Variants in VWA2 observed in about 807,000 individuals in gnomAD.
VWA2 encodes von Willebrand factor A domain containing 2.
In VWA2, 73 loss-of-function variants were observed where a neutral mutation model predicts 70.4. The observed-to-expected ratio is 1.04, with a 90% confidence interval of 0.86 to 1.26. The LOEUF is 1.26. Ranked by LOEUF, VWA2 falls within the 50% of genes most tolerant of loss-of-function variation. The pLI, the probability that VWA2 is intolerant of heterozygous loss-of-function variation, is 0.00. For synonymous variants in VWA2, 407 were observed against 423.3 expected (o/e 0.96, Z 0.47); for missense variants, 1,011 against 998.5 (o/e 1.01, Z -0.17).
At chr10:114,279,187 C>G (rs2037934633) in intron 8 of VWA2, among the ~76,000 whole-genome samples, 1 of 152,186 alleles carries the variant, frequency 6.6e-6, no homozygotes. Flanking sequence ...CTCTGAGCAC[C>G]AGTTTCCACA....
chr10:114,253,656 C>A lies in VWA2; in HGVS notation c.58C>A (p.Pro20Thr). Residue 20 changes from proline to threonine, a missense_variant, in exon 3 of 14, where the codon CCA (proline) becomes ACA (threonine). Transcript: ENST00000392982. ...VCVFLFSRVP[P>T]SLPLQEVHVS... Reference sequence around the variant, plus strand: ...TCTGGTGTTTTCTCTCCTAGTGCCCCCATCTCTCCCTCTCCAGGAAGTCCA... The same window carrying A: ...TCTGGTGTTTTCTCTCCTAGTGCCCACATCTCTCCCTCTCCAGGAAGTCCA... The A allele has an allele frequency of 1.2e-6, 2 of 1,612,010 alleles. No individual in the cohort carries two copies. The highest frequency in any genetic ancestry group is 1.7e-6 in the Non-Finnish European group (2 of 1,179,670).
chr10:114,241,555 A>T (rs1005639240), intron 1 of VWA2, among the ~76,000 whole-genome samples: 8 of 152,120 alleles, frequency 5.3e-5, no homozygotes, highest in African/African-American at 1.7e-4. Flanking sequence ...CAGAATAGTT[A>T]TTTGGCAGTG....
intron 5 of VWA2, among the ~76,000 whole-genome samples, chr10:114,262,247 TATG>T (rs2037459742): frequency 6.6e-6 from 1 of 151,604 alleles, no homozygotes; most frequent in African/African-American, 2.4e-5. Context: ...TACATCTGAA[TATG>T]ATATGTGTGT....
At chr10:114,286,806 A>C (rs916246445) in intron 11 of VWA2, among the ~76,000 whole-genome samples, 1 of 152,176 alleles carries the variant, frequency 6.6e-6, no homozygotes, top group African/African-American at 2.4e-5. Flanking sequence ...ATCATTCTTA[A>C]TCACGATTTT....
chr10:114,291,146 C>T, intron 13 of VWA2, 72 bp from the exon 14 acceptor site: 1 of 1,535,602 alleles, frequency 6.5e-7, no homozygotes, highest in Non-Finnish European at 8.8e-7. Context: ...CTGAAGGGGT[C>T]CTCAGAGGCT....
chr10:114,280,162 G>A (rs1275081263), intron 8 of VWA2, among the ~76,000 whole-genome samples: 1 of 152,172 alleles, frequency 6.6e-6, no homozygotes, highest in Non-Finnish European at 1.5e-5. Flanking sequence ...TTAATAGGTA[G>A]ATGTGTTAAT....
intron 1 of VWA2, among the ~76,000 whole-genome samples, chr10:114,248,295 T>A (rs1182236738): frequency 6.6e-6 from 1 of 152,148 alleles, no homozygotes; most frequent in Non-Finnish European, 1.5e-5. Flanking sequence ...TTCAGCCTGT[T>A]GAATTCTAAC....
intron 9 of VWA2, among the ~76,000 whole-genome samples, chr10:114,283,457 G>A (rs1473498359): frequency 2.6e-5 from 4 of 152,204 alleles, no homozygotes; most frequent in African/African-American, 9.7e-5. Context: ...ATGTTCACAA[G>A]GTTTACAGTT....
At position 114,294,443 on chromosome 10, in the gene VWA2, C is replaced by T. The variant is rs371083117; in HGVS notation, c.*3206C>T. ...TGTCTATTTGTCTCTTTAATGAACC[C>T]GATTTTGATTTTGTCATTTTTAAAA... On this transcript the variant is annotated 3_prime_UTR_variant, in exon 14 of 14. Transcript: ENST00000392982. Among the ~76,000 whole-genome samples the T allele has an allele frequency of 5.1e-4, 78 of 152,158 alleles. No individual in the cohort carries two copies. Among genetic ancestry groups the T allele is most frequent in the African/African-American group, 1.5e-3 (62 of 41,526 alleles).
In VWA2 at chr10:114,291,902, T is replaced by C. The variant is rs1043840442; in HGVS notation, c.*665T>C. On this transcript the variant is annotated 3_prime_UTR_variant, in exon 14 of 14. Transcript: ENST00000392982. Reference sequence around the variant, plus strand: ...GTTTGATGATGGGGGAGGGGCTGAGTGTGCAATGGGCCCAGGTCTGGAGGG... The same window carrying C: ...GTTTGATGATGGGGGAGGGGCTGAGCGTGCAATGGGCCCAGGTCTGGAGGG... Among the ~76,000 whole-genome samples the C allele has an allele frequency of 3.3e-5, 5 of 151,994 alleles. No individual in the cohort carries two copies. The highest frequency in any genetic ancestry group is 7.4e-5 in the Non-Finnish European group (5 of 68,006).
intron 5 of VWA2, among the ~76,000 whole-genome samples, chr10:114,267,321 T>G (rs2037592533): frequency 6.6e-6 from 1 of 152,106 alleles, no homozygotes; most frequent in Admixed American, 6.5e-5. Context: ...TTCACCATCT[T>G]GGCCAGGCTG....
In VWA2 at chr10:114,291,341, C is replaced by G; in HGVS notation, c.*104C>G. ...TGCCTACCTTCTGGAATGTCTGTGC[C>G]CCAGGTCCTTAGAATGTCTGCTTCC... On this transcript the variant is annotated 3_prime_UTR_variant, in exon 14 of 14. Coordinates refer to ENST00000392982, the MANE Select transcript of VWA2 (RefSeq NM_001272046.2). 1 of 1,353,932 alleles carries G rather than the reference C, an allele frequency of 7.4e-7. No individual in the cohort carries two copies. Among genetic ancestry groups the G allele is most frequent in the Non-Finnish European group, 9.9e-7 (1 of 1,012,322 alleles). The allele number at this position is 1,353,932 out of a possible 1,614,324, so 83.9% of individuals were successfully genotyped here.
chr10:114,248,790 G>A, intron 2 of VWA2, 25 bp downstream of exon 2: 1 of 1,609,164 alleles, frequency 6.2e-7, no homozygotes, highest in Non-Finnish European at 8.5e-7. Context: ...TTGGTGGTGG[G>A]GAAGTACTGG....
intron 6 of VWA2, 117 bp downstream of exon 6, chr10:114,273,051 G>T (rs758097033): frequency 6.1e-6 from 5 of 813,480 alleles, no homozygotes; most frequent in Admixed American, 3.6e-5. Flanking sequence ...CCCTGGATCT[G>T]TCTTTTCCTC....
chr10:114,258,799 ATTC>A (rs2037383101), intron 4 of VWA2, among the ~76,000 whole-genome samples: 1 of 152,242 alleles, frequency 6.6e-6, no homozygotes, highest in Admixed American at 6.5e-5. Context: ...ATGAATAAAT[ATTC>A]TTCTTTCTCT....
At chr10:114,286,604 CT>C in intron 11 of VWA2, 93 bp downstream of exon 11, 5 of 1,127,336 alleles carry the variant, frequency 4.4e-6, no homozygotes, top group Non-Finnish European at 6.1e-6. Context: ...CTGCCAGTGC[CT>C]CTTCTAGGGG....
At chr10:114,249,517 A>C (rs2037149645) in intron 2 of VWA2, among the ~76,000 whole-genome samples, 1 of 152,058 alleles carries the variant, frequency 6.6e-6, no homozygotes, top group Admixed American at 6.5e-5. Context: ...TGGCCTCCCA[A>C]AGTGCTAGGA....
chr10:114,288,170 G>A (rs930366076), intron 11 of VWA2, among the ~76,000 whole-genome samples: 1 of 152,168 alleles, frequency 6.6e-6, no homozygotes, highest in Admixed American at 6.5e-5. Flanking sequence ...GAGGCCTTCT[G>A]GCTCATACTT....
intron 6 of VWA2, among the ~76,000 whole-genome samples, chr10:114,274,952 G>A (rs144188361): frequency 5.2e-4 from 79 of 152,240 alleles, no homozygotes; most frequent in African/African-American, 1.6e-3. Flanking sequence ...GGAAGAGCAC[G>A]GGACATTGTG....
Sources: gnomAD v4.1 joint callset for allele counts (sites outside exome capture counted in the v4.1 genomes callset) on GRCh38, gnomAD v4.1.1 for gene constraint, MANE v1.5 for transcripts, NCBI Gene and HGNC (gene_info 2026-07-23, HGNC 2026-07-21) for gene names.